The following EIF3B variants were observed in gnomAD, a reference collection of about 807,000 sequenced individuals.
The protein encoded by EIF3B is eukaryotic translation initiation factor 3 subunit B.
Under a neutral mutation model 104.6 loss-of-function variants are expected in EIF3B, and 10 were observed. The ratio of observed to expected loss-of-function variants is 0.10; its 90% confidence interval spans 0.06 to 0.16. EIF3B has a LOEUF of 0.16. Among genes scored for constraint, EIF3B ranks in the 10% least tolerant of loss-of-function variants. EIF3B has a pLI of 1.00. For missense variants in EIF3B, 1,014 were observed against 1,087.9 expected, an observed-to-expected ratio of 0.93 and a Z score of 0.96; for synonymous variants, 542 against 417.2, an observed-to-expected ratio of 1.30 and a Z score of -3.65.
In EIF3B at chr7:2,369,426, T is replaced by C. The variant is rs773888724; in HGVS notation, c.1404-46T>C. ...TATTCTCTTCTGCTTTTCAGTTTCG[T>C]CATCACTTGGTCTTTGCTTTAACAT... On this transcript the variant is annotated intron_variant, in intron 9 of 18. Transcript: ENST00000360876. The C allele has an allele frequency of 6.9e-6, 11 of 1,591,300 alleles. 1 individual carries two copies. In the South Asian group the frequency reaches 1.2e-4, roughly 18 times the overall value.
At chr7:2,355,813 C>T (rs1377899626) in intron 1 of EIF3B, among the ~76,000 whole-genome samples, 3 of 152,128 alleles carry the variant, frequency 2.0e-5, no homozygotes, top group African/African-American at 7.2e-5. Context: ...GTCCCCAGAG[C>T]TGACCAGTCA....
chr7:2,364,463 A>T lies in EIF3B; in HGVS notation c.1091A>T (p.Lys364Ile). ...GGCATTGCTCTATGGGGGGGAGAGA[A>T]ATTCAAGCAAATTCAGAGATTCAGC... Reference protein sequence around the residue: ...QRGIALWGGEKFKQIQRFSHQ... With the variant: ...QRGIALWGGEIFKQIQRFSHQ... The change falls in exon 6 of 19, where the codon AAA (lysine) becomes ATA (isoleucine). Residue 364 changes from lysine to isoleucine, a missense_variant. By Grantham distance (102) the Lys-to-Ile change is moderately radical. Coordinates refer to ENST00000360876, the MANE Select transcript of EIF3B (RefSeq NM_001037283.2). The T allele has an allele frequency of 1.2e-6, 2 of 1,612,994 alleles. No homozygotes were observed. The highest frequency in any genetic ancestry group is 2.2e-5 in the South Asian group (2 of 90,672).
chr7:2,355,112 CCGAGGTGAGGACCGAGCCGGCGG>C lies in EIF3B; in HGVS notation c.193_215del (p.Glu65ArgfsTer26), dbSNP rs1779324810. 10 of 1,371,124 alleles carry C rather than the reference CCGAGGTGAGGACCGAGCCGGCGG, an allele frequency of 7.3e-6. No individual in the cohort carries two copies. In the South Asian group the frequency reaches 1.6e-4, roughly 22 times the overall value. The allele number at this position is 1,371,124 out of a possible 1,614,324, so 84.9% of individuals were successfully genotyped here. A position where few individuals can be genotyped will look rare whatever the true frequency, so the allele number is the denominator to read the frequency against. On this transcript the variant is annotated frameshift_variant, in exon 1 of 19. Transcript: ENST00000360876. LOFTEE classifies it high-confidence loss of function. ...GGGATCGCGGAGGCCGGGCCGGAGT[CCGAGGTGAGGACCGAGCCGGCGG>C]CCGAGGCAGAGGCGGCCTCCGGCCC...
chr7:2,379,323 C>G, intron 17 of EIF3B, 71 bp from the exon 18 acceptor site: 1 of 1,555,180 alleles, frequency 6.4e-7, no homozygotes, highest in Admixed American at 1.9e-5. Context: ...TCCTGCGTTC[C>G]TTCCCACTGG....
At chr7:2,364,697 G>A (rs946574289) in intron 6 of EIF3B, among the ~76,000 whole-genome samples, 168 bp downstream of exon 6, 2 of 152,182 alleles carry the variant, frequency 1.3e-5, no homozygotes, top group African/African-American at 4.8e-5. Context: ...TTGCATTTAC[G>A]TCATCATCTC....
chr7:2,375,066 GAGTTA>G (rs1222813827), intron 13 of EIF3B: 1 of 393,168 alleles, frequency 2.5e-6, no homozygotes, highest in Admixed American at 3.8e-5. Context: ...TTTCTGCTCT[GAGTTA>G]AAAGAATACC....
chr7:2,368,657 C>G (rs1321182539), intron 9 of EIF3B, among the ~76,000 whole-genome samples: 1 of 152,192 alleles, frequency 6.6e-6, no homozygotes, highest in Non-Finnish European at 1.5e-5. Context: ...GGGTTTCCAG[C>G]CTTTTAAGGA....
chr7:2,357,527 AC>A (rs1250295522), intron 1 of EIF3B, among the ~76,000 whole-genome samples: 1 of 152,274 alleles, frequency 6.6e-6, no homozygotes, highest in Admixed American at 6.5e-5. Flanking sequence ...TTGCTTTATT[AC>A]TTTTTTGGTA....
chr7:2,375,081 C>T (rs1780560690), intron 13 of EIF3B: 2 of 417,122 alleles, frequency 4.8e-6, no homozygotes, highest in Non-Finnish European at 8.8e-6. Flanking sequence ...AAAAGAATAC[C>T]CTTTTGTTGC....
chr7:2,366,456 G>A lies in EIF3B; in HGVS notation c.1289+8G>A. On this transcript the variant is annotated splice_region_variant and intron_variant, in intron 7 of 18. Transcript: ENST00000360876. ...CCATTGGCCTATTTTTAAGTAAGTG[G>A]ACCATTGTAACGAGCTCTGTAGCCT... is the stretch of plus-strand genomic sequence containing the variant. 1.2e-6 allele frequency: 2 copies of A among 1,613,982 alleles called. No individual in the cohort carries two copies. The highest frequency in any genetic ancestry group is 1.7e-6 in the Non-Finnish European group (2 of 1,179,976).
intron 9 of EIF3B, among the ~76,000 whole-genome samples, chr7:2,368,246 G>A (rs371597447): frequency 6.6e-6 from 1 of 152,080 alleles, no homozygotes; most frequent in Non-Finnish European, 1.5e-5. Context: ...AGGTTCAAAC[G>A]ATTCTGGTGC....
At chr7:2,368,938 A>T (rs999940439) in intron 9 of EIF3B, among the ~76,000 whole-genome samples, 2 of 152,260 alleles carry the variant, frequency 1.3e-5, no homozygotes, top group Non-Finnish European at 2.9e-5. Context: ...AAAACAGCAC[A>T]TAGCGTGTAT....
rs772573093 is a variant in EIF3B at position 2,379,455 on chromosome 7, C to T, written c.2403C>T (p.Phe801=). ...ACTGGGAAGAGGAGACCATTGAGTT[C>T]TTCGTCACTGAAGAAATCATTCCCC... ...VDDWEEETIE[F]FVTEEIIPLG... is the part of the protein sequence containing the mutation. Residue 801 remains phenylalanine (F), a synonymous_variant, in exon 18 of 19, where the codon TTC becomes TTT. Transcript: ENST00000360876. 1.3e-6 allele frequency: 2 copies of T among 1,589,888 alleles called. No homozygotes were observed. The highest frequency in any genetic ancestry group is 1.7e-6 in the Non-Finnish European group (2 of 1,167,916).
Position 2,379,119 on chromosome 7 carries a change from C to A in EIF3B, c.2233-15C>A. The stretch of plus-strand genomic sequence containing the variant: ...TGTCTTACCAGTTCTGTGCTTTCCC[C>A]AACCTCATGCATAGGAATTGGTGGA... On this transcript the variant is annotated splice_polypyrimidine_tract_variant and intron_variant, in intron 16 of 18. Transcript: ENST00000360876. 6.2e-7 allele frequency: 1 copy of A among 1,611,874 alleles called. No homozygotes were observed. Among genetic ancestry groups the A allele is most frequent in the South Asian group, 1.1e-5 (1 of 90,846 alleles).
intron 9 of EIF3B, among the ~76,000 whole-genome samples, chr7:2,367,777 G>T (rs1423751313): frequency 7.3e-6 from 1 of 137,582 alleles, no homozygotes; most frequent in Admixed American, 7.4e-5. Context: ...CTGTCACTCA[G>T]TTCTTAACCA....
chr7:2,355,867 C>G (rs1407453221), intron 1 of EIF3B, among the ~76,000 whole-genome samples: 1 of 152,168 alleles, frequency 6.6e-6, no homozygotes, highest in Non-Finnish European at 1.5e-5. Context: ...GTGGCAGAGC[C>G]GGTGATTTTG....
At chr7:2,362,120 C>T (rs932758694) in intron 2 of EIF3B, among the ~76,000 whole-genome samples, 5 of 152,074 alleles carry the variant, frequency 3.3e-5, no homozygotes, top group Admixed American at 2.6e-4. Flanking sequence ...CCACCATGCC[C>T]GGCTAATTTT....
At chr7:2,370,289 A>G (rs1780258374) in intron 10 of EIF3B, among the ~76,000 whole-genome samples, 1 of 151,772 alleles carries the variant, frequency 6.6e-6, no homozygotes, top group Admixed American at 6.6e-5. Context: ...ATTCTGGCCA[A>G]CGTGGTGTGA....
At chr7:2,367,126 A>G (rs1282766785) in intron 9 of EIF3B, 81 bp downstream of exon 9, 2 of 1,263,798 alleles carry the variant, frequency 1.6e-6, no homozygotes, top group Admixed American at 2.2e-5. Context: ...AAAACACAAT[A>G]CCATAGGCTG....
Sources: gnomAD v4.1 joint callset for allele counts (sites outside exome capture counted in the v4.1 genomes callset) on GRCh38, gnomAD v4.1.1 for gene constraint, MANE v1.5 for transcripts, NCBI Gene and HGNC (gene_info 2026-07-23, HGNC 2026-07-21) for gene names.